The following LRRC31 variants were observed in gnomAD, a reference collection of about 807,000 sequenced individuals.
The protein encoded by LRRC31 is leucine-rich repeat-containing protein 31.
A neutral mutation model predicts 46.7 loss-of-function variants in LRRC31; 35 were observed. The observed-to-expected ratio is 0.75, with a 90% CI of 0.57 to 0.99. The LOEUF (loss-of-function observed/expected upper bound fraction) is 0.99. LRRC31 is among the 50% of genes least tolerant of loss of function. The probability of loss-of-function intolerance (pLI) is 0.00; values close to 1 mark genes in which losing one functional copy is unlikely to be tolerated. For synonymous variants in LRRC31, 236 were observed against 235.1 expected, an observed-to-expected ratio of 1.00 and a Z score of -0.03; for missense variants, 613 against 626.1, an observed-to-expected ratio of 0.98 and a Z score of 0.22.
intron 1 of LRRC31, among the ~76,000 whole-genome samples, chr3:169,867,806 G>C (rs1209582389): frequency 6.6e-6 from 1 of 152,192 alleles, no homozygotes; most frequent in African/African-American, 2.4e-5. Context: ...ACTTTAGAGA[G>C]AGATTTGACA....
At position 169,857,534 on chromosome 3, in the gene LRRC31, G is replaced by A. The variant is rs552015839; in HGVS notation, c.488-662C>T. ...CAGCCGTGCTGCCTTAAGGGGTAAAGGAGGGTGCAGTGACACAGGGATGAA... is the reference window on the plus strand; with the variant it reads ...CAGCCGTGCTGCCTTAAGGGGTAAAAGAGGGTGCAGTGACACAGGGATGAA... On this transcript the variant is annotated intron_variant, in intron 3 of 8. Transcript: ENST00000316428. Among the ~76,000 whole-genome samples the A allele has an allele frequency of 7.0e-4, 105 of 150,446 alleles. No individual in the cohort carries two copies. In the South Asian group the frequency reaches 7.4e-3, roughly 11 times the overall value.
intron 3 of LRRC31, among the ~76,000 whole-genome samples, chr3:169,858,327 A>C (rs1172938992): frequency 2.6e-5 from 4 of 152,214 alleles, no homozygotes; most frequent in Non-Finnish European, 5.9e-5. Flanking sequence ...GTCCCAGGGC[A>C]GAAATTTCAT....
At chr3:169,850,173 G>A (rs1780715193) in intron 7 of LRRC31, among the ~76,000 whole-genome samples, 1 of 152,082 alleles carries the variant, frequency 6.6e-6, no homozygotes, top group African/African-American at 2.4e-5. Context: ...TCATAAAAAT[G>A]AGTAATTATT....
intron 7 of LRRC31, among the ~76,000 whole-genome samples, chr3:169,851,134 C>T (rs762657522): frequency 1.3e-5 from 2 of 152,146 alleles, no homozygotes; most frequent in Non-Finnish European, 2.9e-5. Flanking sequence ...ACTTTCCCAT[C>T]AGATCCCAGA....
intron 8 of LRRC31, among the ~76,000 whole-genome samples, chr3:169,846,987 A>G (rs1298235199): frequency 6.6e-6 from 1 of 151,688 alleles, no homozygotes; most frequent in Non-Finnish European, 1.5e-5. Flanking sequence ...ACTGACTAAT[A>G]TATACACTGA....
intron 6 of LRRC31, among the ~76,000 whole-genome samples, chr3:169,852,272 G>T (rs1045531794): frequency 6.6e-6 from 1 of 151,134 alleles, no homozygotes; most frequent in Non-Finnish European, 1.5e-5. Flanking sequence ...GCGCAGTGGC[G>T]GGCGCCTGTA....
intron 8 of LRRC31, among the ~76,000 whole-genome samples, chr3:169,842,566 G>C (rs1224473877): frequency 6.6e-6 from 1 of 152,144 alleles, no homozygotes; most frequent in Non-Finnish European, 1.5e-5. Context: ...GGCCAGGCTG[G>C]TCTCGAACTC....
intron 7 of LRRC31, among the ~76,000 whole-genome samples, chr3:169,848,519 C>T (rs1415146046): frequency 1.3e-5 from 2 of 152,114 alleles, no homozygotes; most frequent in East Asian, 1.9e-4. Flanking sequence ...TGCAGTGGCG[C>T]GATCTTGGCT....
At chr3:169,848,528 CT>C (rs1165379484) in intron 7 of LRRC31, among the ~76,000 whole-genome samples, 1 of 152,210 alleles carries the variant, frequency 6.6e-6, no homozygotes, top group Non-Finnish European at 1.5e-5. Flanking sequence ...GCGATCTTGG[CT>C]CACTGCAACC....
intron 7 of LRRC31, 25 bp downstream of exon 7, chr3:169,851,594 T>G: frequency 1.2e-6 from 2 of 1,605,428 alleles, no homozygotes; most frequent in Non-Finnish European, 1.7e-6. Flanking sequence ...GCATGGTTCC[T>G]GCAGGGATCT....
At chr3:169,864,638 A>G (rs1351819566) in intron 1 of LRRC31, among the ~76,000 whole-genome samples, 1 of 152,256 alleles carries the variant, frequency 6.6e-6, no homozygotes, top group Non-Finnish European at 1.5e-5. Context: ...AATTGAATGA[A>G]TGAATATTGG....
At chr3:169,844,070 A>G (rs1353244344) in intron 8 of LRRC31, among the ~76,000 whole-genome samples, 1 of 152,182 alleles carries the variant, frequency 6.6e-6, no homozygotes, top group African/African-American at 2.4e-5. Flanking sequence ...ATCTTTCTGG[A>G]AAATAAAAGA....
chr3:169,860,825 A>C (rs12633869), intron 2 of LRRC31, 97 bp from the exon 3 acceptor site: 1 of 1,276,972 alleles, frequency 7.8e-7, no homozygotes, highest in Non-Finnish European at 1.1e-6. Flanking sequence ...ATAGTTTTAC[A>C]CTGTAAGAGA....
rs34162537 is a variant in LRRC31 at position 169,857,318 on chromosome 3, CTATATATATATATATA to C, written c.488-462_488-447del. On this transcript the variant is annotated intron_variant, in intron 3 of 8. Transcript: ENST00000316428. ...CTCCAATGTCAAGAATATCACATGC[CTATATATATATATATA>C]TATATATATATACACACACACACAC... Among the ~76,000 whole-genome samples, 4 of 66,460 alleles carry C rather than the reference CTATATATATATATATA, an allele frequency of 6.0e-5. 1 individual carries two copies. Among genetic ancestry groups the C allele is most frequent in the East Asian group, 7.5e-4 (1 of 1,332 alleles). 43.6% of individuals were successfully genotyped at this position (66,460 alleles called of 152,430 possible). A position where few individuals can be genotyped will look rare whatever the true frequency, so the allele number is the denominator to read the frequency against.
chr3:169,858,039 T>G (rs1781024391), intron 3 of LRRC31, among the ~76,000 whole-genome samples: 1 of 152,160 alleles, frequency 6.6e-6, no homozygotes, highest in African/African-American at 2.4e-5. Context: ...TGCCATGCAT[T>G]TGCCACTCGG....
At chr3:169,856,556 T>C in intron 4 of LRRC31, 53 bp from the exon 5 acceptor site, 2 of 1,475,002 alleles carry the variant, frequency 1.4e-6, no homozygotes. Context: ...GAGTGGAGTT[T>C]TACATCACCT....
At chr3:169,867,051 G>GTTTTTTTTTTTTTTTTTTTTTTTTTTT (rs1426034836) in intron 1 of LRRC31, among the ~76,000 whole-genome samples, 1 of 97,470 alleles carries the variant, frequency 1.0e-5, no homozygotes, top group African/African-American at 8.6e-5. Flanking sequence ...TTTTTTGTTT[G>GTTTTTTTTTTTTTTTTTTTTTTTTTTT]TTTGTTTGTT....
At chr3:169,860,828 G>T in intron 2 of LRRC31, 100 bp from the exon 3 acceptor site, 1 of 1,250,428 alleles carries the variant, frequency 8.0e-7, no homozygotes, top group Non-Finnish European at 1.1e-6. Flanking sequence ...GTTTTACACT[G>T]TAAGAGAATA....
In LRRC31 at chr3:169,847,952, T is replaced by C. The variant is rs1780653105; in HGVS notation, c.1327+168A>G. Among the ~76,000 whole-genome samples the C allele has an allele frequency of 2.0e-5, 3 of 152,178 alleles. 1 individual carries two copies. The highest frequency in any genetic ancestry group is 4.1e-4 in the South Asian group (2 of 4,830). On this transcript the variant is annotated intron_variant, in intron 8 of 8. Transcript: ENST00000316428. ...ACTGTCATGTGGTTTTAGAATTGCC[T>C]TCGCTCATTTTAATTAGACCTCTCG...
Sources: allele counts gnomAD v4.1 joint callset (sites outside exome capture counted in the v4.1 genomes callset), GRCh38; gene constraint gnomAD v4.1.1; transcripts MANE v1.5; gene names NCBI Gene and HGNC (gene_info 2026-07-23, HGNC 2026-07-21).